LRP6: variants seen among roughly 807,000 people sequenced by gnomAD.
LRP6 encodes the protein LDL receptor related protein 6, also known as low-density lipoprotein receptor-related protein 6.
LRP6 carries 43 observed loss-of-function variants against 184.1 expected under a neutral mutation model. The observed-to-expected ratio is 0.23, with a 90% confidence interval of 0.18 to 0.30. The LOEUF (loss-of-function observed/expected upper bound fraction) is 0.30. Among genes scored for constraint, LRP6 ranks in the 10% least tolerant of loss-of-function variants. The probability of loss-of-function intolerance (pLI) is 1.00; values close to 1 mark genes in which losing one functional copy is unlikely to be tolerated. For synonymous variants in LRP6, 719 were observed against 684.9 expected (o/e 1.05, Z -0.78); for missense variants, 1,571 against 2,005.3 (o/e 0.78, Z 4.14).
intron 2 of LRP6, among the ~76,000 whole-genome samples, chr12:12,231,860 T>C (rs1234918594): frequency 5.3e-5 from 8 of 151,372 alleles, no homozygotes; most frequent in Non-Finnish European, 2.9e-5. Context: ...ACAAAAGATA[T>C]GAAAATTAGC....
chr12:12,221,719 C>A (rs953401391), intron 2 of LRP6, among the ~76,000 whole-genome samples: 6 of 152,174 alleles, frequency 3.9e-5, no homozygotes, highest in African/African-American at 1.4e-4. Flanking sequence ...CCTGTTTATC[C>A]ATAGCATTCT....
chr12:12,218,517 A>ATAATAATAC (rs1427537241), intron 2 of LRP6, among the ~76,000 whole-genome samples: 1 of 142,968 alleles, frequency 7.0e-6, no homozygotes, highest in African/African-American at 2.6e-5. Context: ...AATAATAATA[A>ATAATAATAC]TACTATACAA....
chr12:12,189,114 A>C (rs1219542950), intron 3 of LRP6, among the ~76,000 whole-genome samples: 2 of 152,236 alleles, frequency 1.3e-5, no homozygotes, highest in Non-Finnish European at 2.9e-5. Context: ...CATATGGAAA[A>C]GGCAAAATCC....
intron 2 of LRP6, among the ~76,000 whole-genome samples, chr12:12,241,228 T>C (rs764779293): frequency 6.6e-5 from 10 of 152,302 alleles, no homozygotes; most frequent in Non-Finnish European, 1.5e-4. Context: ...ATCCTGGAAC[T>C]CTGAAAAGTC....
chr12:12,266,887 C>A lies in LRP6; in HGVS notation c.-152G>T. 1.4e-6 allele frequency: 1 copy of A among 710,312 alleles called. No individual in the cohort carries two copies. The highest frequency in any genetic ancestry group is 1.6e-5 in the South Asian group (1 of 61,646). The allele number at this position is 710,312 out of a possible 1,614,324, so 44.0% of individuals were successfully genotyped here. A position where few individuals can be genotyped will look rare whatever the true frequency, so the allele number is the denominator to read the frequency against. ...AGAAAGAAAGGGGCACGTCAAGGTT[C>A]CGCGCGCGCCGCCGCCGCCCTCTCT... On this transcript the variant is annotated 5_prime_UTR_variant, in exon 1 of 23. It introduces an in-frame stop codon into an upstream open reading frame of the 5' UTR. Transcript: ENST00000261349.
Position 12,266,985 on chromosome 12 carries a change from C to G in LRP6, c.-250G>C, listed in dbSNP as rs1865790405. 2 of 532,288 alleles carry G rather than the reference C, an allele frequency of 3.8e-6. No individual in the cohort carries two copies. The highest frequency in any genetic ancestry group is 3.3e-6 in the Non-Finnish European group (1 of 305,090). The allele number at this position is 532,288 out of a possible 1,614,324, so 33.0% of individuals were successfully genotyped here. On this transcript the variant is annotated 5_prime_UTR_variant, in exon 1 of 23. Transcript: ENST00000261349. ...ATCCCGCCGCCTCCTCCCCCGGCGC[C>G]CCGCTTCCCCCGCGCAGCTCCTCAT...
rs193265711 is a variant in LRP6, at chr12:12,116,245, C to T, written c.*4881G>A. 3 of 152,192 alleles carry T rather than the reference C, an allele frequency of 2.0e-5. No homozygotes were observed. Among genetic ancestry groups the T allele is most frequent in the African/African-American group, 7.2e-5 (3 of 41,532 alleles). 9.4% of individuals were successfully genotyped at this position (152,192 alleles called of 1,614,324 possible). A position where few individuals can be genotyped will look rare whatever the true frequency, so the allele number is the denominator to read the frequency against. On this transcript the variant is annotated 3_prime_UTR_variant, in exon 23 of 23. Transcript: ENST00000261349. ...ACATCCTTGCAAAGCACCATCGTAC[C>T]AAAGTCAATGAACAAGAAACACCAG... is the stretch of plus-strand genomic sequence containing the variant.
intron 2 of LRP6, among the ~76,000 whole-genome samples, chr12:12,207,385 G>A (rs1431327366): frequency 1.3e-5 from 2 of 152,136 alleles, no homozygotes; most frequent in African/African-American, 2.4e-5. Context: ...TGGGCATGAT[G>A]GTGTGCACCT....
chr12:12,226,127 A>G (rs1170521600), intron 2 of LRP6, among the ~76,000 whole-genome samples: 2 of 152,198 alleles, frequency 1.3e-5, no homozygotes, highest in Non-Finnish European at 2.9e-5. Flanking sequence ...ACTGAGAAGC[A>G]CTTGTGAAGC....
chr12:12,127,939 C>G (rs1297640649), intron 19 of LRP6, among the ~76,000 whole-genome samples: 2 of 152,184 alleles, frequency 1.3e-5, no homozygotes, highest in Admixed American at 6.5e-5. Flanking sequence ...TCTGTGGAAT[C>G]TGAAGCATAG....
chr12:12,159,674 C>CA (rs1484601678), intron 11 of LRP6, 106 bp downstream of exon 11: 1 of 1,014,906 alleles, frequency 9.9e-7, no homozygotes, highest in African/African-American at 1.6e-5. Context: ...AGAATGGACA[C>CA]ATTCATATGA....
intron 1 of LRP6, among the ~76,000 whole-genome samples, chr12:12,264,356 C>A (rs1172777497): frequency 6.6e-6 from 1 of 152,160 alleles, no homozygotes; most frequent in Non-Finnish European, 1.5e-5. Context: ...GAGAAGCGGA[C>A]TAGACCAGAA....
chr12:12,126,545 T>TA lies in LRP6; in HGVS notation c.4312+145dup, dbSNP rs1949673906. The TA allele has an allele frequency of 1.1e-5, 8 of 707,824 alleles. No homozygotes were observed. In the East Asian group the frequency reaches 2.1e-4, roughly 19 times the overall value. The allele number at this position is 707,824 out of a possible 1,614,324, so 43.8% of individuals were successfully genotyped here. The stretch of plus-strand genomic sequence containing the variant: ...CTGTGTAAAGAGAAGGTGCTAATAG[T>TA]AAAAAAGAACGTTTGTCCTTATAAT... On this transcript the variant is annotated intron_variant, in intron 20 of 22. Transcript: ENST00000261349.
intron 2 of LRP6, among the ~76,000 whole-genome samples, chr12:12,206,181 T>C (rs989134258): frequency 6.6e-6 from 1 of 152,172 alleles, no homozygotes; most frequent in African/African-American, 2.4e-5. Context: ...TCAACATTTC[T>C]CAGAACATGT....
rs1256410377 is a variant in LRP6, at chr12:12,187,096, A to G, written c.671T>C (p.Leu224Pro). The stretch of plus-strand genomic sequence containing the variant: ...TAACGTCAAGGCAAAAGGATGTGGA[A>G]GGGAACCTTTAACCACTGCCTGCCT... ...TNRQAVVKGSLPHPFALTLFE... is the reference protein window; with the variant it reads ...TNRQAVVKGSPPHPFALTLFE... The change falls in exon 4 of 23, where the codon CTT (leucine) becomes CCT (proline). Residue 224 changes from leucine to proline, a missense_variant. Transcript: ENST00000261349. 1 of 1,614,188 alleles carries G rather than the reference A, an allele frequency of 6.2e-7. No homozygotes were observed. The highest frequency in any genetic ancestry group is 1.1e-5 in the South Asian group (1 of 91,082).
chr12:12,116,853 T>C lies in LRP6; in HGVS notation c.*4273A>G, dbSNP rs1289412282. The C allele has an allele frequency of 6.6e-6, 1 of 152,172 alleles. No individual in the cohort carries two copies. Among genetic ancestry groups the C allele is most frequent in the Non-Finnish European group, 1.5e-5 (1 of 68,028 alleles). 9.4% of individuals were successfully genotyped at this position (152,172 alleles called of 1,614,324 possible). Reference sequence around the variant, plus strand: ...GGGTGAGGGTAGAGTCAGTAACTGATTAACCTAAGACTCCACCTTCCACTC... The same window carrying C: ...GGGTGAGGGTAGAGTCAGTAACTGACTAACCTAAGACTCCACCTTCCACTC... On this transcript the variant is annotated 3_prime_UTR_variant, in exon 23 of 23. Transcript: ENST00000261349.
rs35053686 is a variant in LRP6 at position 12,135,479 on chromosome 12, C to CATTATT, written c.3608-185_3608-180dup. Among the ~76,000 whole-genome samples the CATTATT allele has an allele frequency of 6.3e-3, 905 of 144,158 alleles. 7 individuals carry two copies. Among genetic ancestry groups the CATTATT allele is most frequent in the Middle Eastern group, 0.014 (4 of 280 alleles). 94.6% of individuals were successfully genotyped at this position (144,158 alleles called of 152,430 possible). A position where few individuals can be genotyped will look rare whatever the true frequency, so the allele number is the denominator to read the frequency against. ...TATTATGGACTTTTTTTACTTTTAT[C>CATTATT]ATTATTATTATTATTATTATTATTA... On this transcript the variant is annotated intron_variant, in intron 16 of 22. Transcript: ENST00000261349.
intron 2 of LRP6, among the ~76,000 whole-genome samples, chr12:12,215,353 A>AGTCTGATAAAAACAGTACT: frequency 6.6e-6 from 1 of 152,322 alleles, no homozygotes; most frequent in South Asian, 2.1e-4. Context: ...TAATAAAAAT[A>AGTCTGATAAAAACAGTACT]GTCTGATAAA....
At chr12:12,164,204 G>A in intron 9 of LRP6, 69 bp downstream of exon 9, 1 of 1,419,956 alleles carries the variant, frequency 7.0e-7, no homozygotes, top group Non-Finnish European at 9.8e-7. Flanking sequence ...GTCACAGCAT[G>A]AAGATTCAGA....
Sources: allele counts gnomAD v4.1 joint callset (sites outside exome capture counted in the v4.1 genomes callset), GRCh38; gene constraint gnomAD v4.1.1; transcripts MANE v1.5; gene names NCBI Gene and HGNC (gene_info 2026-07-23, HGNC 2026-07-21).